RYR2: variants seen among roughly 807,000 people sequenced by gnomAD.
RYR2 encodes cardiac muscle ryanodine receptor-calcium release channel.
A neutral mutation model predicts 601.1 loss-of-function variants in RYR2; 227 were observed. The ratio of observed to expected loss-of-function variants is 0.38; its 90% CI spans 0.34 to 0.42. RYR2 has a LOEUF of 0.42. RYR2 is among the 10% of genes least tolerant of loss of function. RYR2 has a pLI of 1.00. For missense variants in RYR2, 4,646 were observed against 6,156.5 expected (o/e 0.75, Z 8.21); for synonymous variants, 2,223 against 2,175.1 (o/e 1.02, Z -0.61).
At chr1:237,463,282 C>T (rs1452669800) in intron 16 of RYR2, among the ~76,000 whole-genome samples, 2 of 152,136 alleles carry the variant, frequency 1.3e-5, no homozygotes, top group East Asian at 3.9e-4. Context: ...TCTGTACCTC[C>T]AGCACCTAGA....
In RYR2 at chr1:237,492,885, AAGGG is replaced by A. The variant is rs139196633; in HGVS notation, c.1828-51_1828-48del. 156 of 1,224,118 alleles carry A rather than the reference AAGGG, an allele frequency of 1.3e-4. 1 individual carries two copies. The highest frequency in any genetic ancestry group is 5.7e-4 in the South Asian group (39 of 67,986). 75.8% of individuals were successfully genotyped at this position (1,224,118 alleles called of 1,614,324 possible). On this transcript the variant is annotated intron_variant, in intron 18 of 104. Transcript: ENST00000366574. ...GAAGGAAGGAAGAAGGGAAGGAAGG[AAGGG>A]AGGGAGGGAGGGAGGGAAAGCAGGG...
At chr1:237,801,834 T>A in intron 97 of RYR2, 22 bp from the exon 98 acceptor site, 2 of 452,146 alleles carry the variant, frequency 4.4e-6, no homozygotes, top group Non-Finnish European at 6.1e-6. Context: ...TAACTACGCA[T>A]TTTTTTTTTT....
intron 17 of RYR2, among the ~76,000 whole-genome samples, chr1:237,476,531 A>T: frequency 8.7e-6 from 1 of 115,006 alleles, no homozygotes; most frequent in Non-Finnish European, 1.9e-5. Context: ...AAAAAAAAAA[A>T]AAAAAAAAAA....
chr1:237,328,258 C>A (rs754567952), intron 2 of RYR2, among the ~76,000 whole-genome samples: 23 of 152,048 alleles, frequency 1.5e-4, no homozygotes, highest in Non-Finnish European at 3.2e-4. Flanking sequence ...ATGAAATAAA[C>A]ACTTACATTA....
chr1:237,275,908 A>G (rs964586891), intron 2 of RYR2, among the ~76,000 whole-genome samples: 2 of 152,192 alleles, frequency 1.3e-5, no homozygotes, highest in Non-Finnish European at 2.9e-5. Flanking sequence ...AAAAATAAAA[A>G]CCACACAAAA....
In RYR2 at chr1:237,102,908, G is replaced by A. The variant is rs75465289; in HGVS notation, c.48+60339G>A. 4.2e-3 allele frequency among the ~76,000 whole-genome samples: 641 copies of A among 152,226 alleles called. 1 individual carries two copies. The highest frequency in any genetic ancestry group is 0.017 in the Middle Eastern group (5 of 294). Reference sequence around the variant, plus strand: ...ATTTTTGTTTTATTATAAAATACACGTATAAAACTTATCAAAACCATTTAA... The same window carrying A: ...ATTTTTGTTTTATTATAAAATACACATATAAAACTTATCAAAACCATTTAA... On this transcript the variant is annotated intron_variant, in intron 1 of 104. Transcript: ENST00000366574.
intron 1 of RYR2, among the ~76,000 whole-genome samples, chr1:237,252,887 G>T (rs1360092686): frequency 1.3e-5 from 2 of 152,062 alleles, no homozygotes; most frequent in Non-Finnish European, 2.9e-5. Flanking sequence ...AATAATGGTT[G>T]GGCACAGTGG....
intron 1 of RYR2, among the ~76,000 whole-genome samples, chr1:237,162,004 G>C (rs887596372): frequency 6.6e-6 from 1 of 152,144 alleles, no homozygotes; most frequent in Non-Finnish European, 1.5e-5. Flanking sequence ...GCATTGCCTA[G>C]TGTGGCAGCC....
intron 2 of RYR2, among the ~76,000 whole-genome samples, chr1:237,309,302 A>G (rs1019838950): frequency 2.6e-4 from 39 of 151,860 alleles, no homozygotes; most frequent in Non-Finnish European, 4.6e-4. Flanking sequence ...CCAAGTCCCC[A>G]CTAGATTAGC....
At chr1:237,237,972 CTTTCCTTT>C in intron 1 of RYR2, among the ~76,000 whole-genome samples, 1 of 115,056 alleles carries the variant, frequency 8.7e-6, no homozygotes, top group Non-Finnish European at 1.8e-5. Context: ...CTTTCCTTTC[CTTTCCTTT>C]CCTTTCCAAC....
At position 237,727,160 on chromosome 1, in the gene RYR2, T is replaced by C; in HGVS notation, c.10799T>C (p.Val3600Ala). The change falls in exon 76 of 105, where the codon GTA becomes GCA. Residue 3600 changes from valine to alanine, a missense_variant. Around this residue, in one of 17 missense-constraint regions of RYR2, gnomAD observed 1,497 missense variants for 1,842.6 expected, o/e 0.81. Coordinates refer to ENST00000366574, the MANE Select transcript of RYR2 (RefSeq NM_001035.3). Reference sequence around the variant, plus strand: ...TCCAAGCAGAGGAAAAGGGCTGTTGTAGCCTGCTTCCGGATGGCCCCCTTA... The same window carrying C: ...TCCAAGCAGAGGAAAAGGGCTGTTGCAGCCTGCTTCCGGATGGCCCCCTTA... ...LLSKQRKRAVVACFRMAPLYN... is the reference protein window; with the variant it reads ...LLSKQRKRAVAACFRMAPLYN... The C allele has an allele frequency of 6.3e-7, 1 of 1,590,870 alleles. No individual in the cohort carries two copies. Among genetic ancestry groups the C allele is most frequent in the Non-Finnish European group, 8.6e-7 (1 of 1,167,232 alleles).
chr1:237,681,879 C>T (rs1008486026), intron 62 of RYR2, among the ~76,000 whole-genome samples: 5 of 152,150 alleles, frequency 3.3e-5, no homozygotes, highest in African/African-American at 1.2e-4. Context: ...CCTTAAACGT[C>T]GTGAAATTGA....
At position 237,369,564 on chromosome 1, in the gene RYR2, C is replaced by A; in HGVS notation, c.340C>A (p.Leu114Ile). 1 of 1,565,298 alleles carries A rather than the reference C, an allele frequency of 6.4e-7. No homozygotes were observed. The highest frequency in any genetic ancestry group is 2.3e-5 in the East Asian group (1 of 42,678). Residue 114 changes from leucine to isoleucine, a missense_variant, in exon 6 of 105, where the codon CTC becomes ATC. Leu to Ile is a conservative substitution (Grantham distance 5). Transcript: ENST00000366574. ...TAQGGGHRTL[L>I]YGHAILLRHS... ...TCAAGGTGGTGGTCATCGAACACTC[C>A]TCTACGGACATGCCATATTGCTGCG...
Position 237,819,617 on chromosome 1 carries a change from C to G in RYR2, c.14590+425C>G, listed in dbSNP as rs1047698449. On this transcript the variant is annotated intron_variant, in intron 101 of 104. Coordinates refer to ENST00000366574, the MANE Select transcript of RYR2 (RefSeq NM_001035.3). This position sits in a 1 kb window ranked among gnomAD's most constrained non-coding sequence, Gnocchi z 4.0. ...GATGGATCACTTGAGGTCAGGAGCT[C>G]GAGACCAGCCTGACCAACATGGTAA... Among the ~76,000 whole-genome samples the G allele has an allele frequency of 6.6e-6, 1 of 151,808 alleles. No individual in the cohort carries two copies. Among genetic ancestry groups the G allele is most frequent in the Non-Finnish European group, 1.5e-5 (1 of 67,972 alleles).
chr1:237,204,618 G>A (rs558696427), intron 1 of RYR2, among the ~76,000 whole-genome samples: 1 of 152,220 alleles, frequency 6.6e-6, no homozygotes, highest in African/African-American at 2.4e-5. Flanking sequence ...CTGGGAAAAT[G>A]CTCCATTCCG....
rs1186753825 is a variant in RYR2, at chr1:237,329,641, C to CA, written c.169-1224dup. On this transcript the variant is annotated intron_variant, in intron 2 of 104. Transcript: ENST00000366574. ...TGGGAAACACAGTGAGACTCCGTCT[C>CA]AAAAAAAAAAAAAGAAATTAAAACA... 8.0e-3 allele frequency among the ~76,000 whole-genome samples: 904 copies of CA among 113,246 alleles called. 6 individuals are homozygous for CA. The highest frequency in any genetic ancestry group is 0.014 in the Middle Eastern group (3 of 210). 74.3% of individuals were successfully genotyped at this position (113,246 alleles called of 152,430 possible).
chr1:237,050,207 C>T (rs1661081994), intron 1 of RYR2, among the ~76,000 whole-genome samples: 1 of 152,176 alleles, frequency 6.6e-6, no homozygotes, highest in Admixed American at 6.5e-5. Context: ...ACTTACCACC[C>T]ACCAACCGAT....
At chr1:237,145,235 A>T (rs903129943) in intron 1 of RYR2, among the ~76,000 whole-genome samples, 1 of 152,006 alleles carries the variant, frequency 6.6e-6, no homozygotes, top group Non-Finnish European at 1.5e-5. Context: ...AAAAAAAAAG[A>T]AAAAAAGAAA....
chr1:237,459,122 T>C (rs1210509423), intron 16 of RYR2, among the ~76,000 whole-genome samples: 5 of 152,260 alleles, frequency 3.3e-5, no homozygotes, highest in African/African-American at 4.8e-5. Flanking sequence ...GCAGAAGTTA[T>C]AGCACTAAAT....
Sources: gnomAD v4.1 joint callset for allele counts (sites outside exome capture counted in the v4.1 genomes callset) on GRCh38, gnomAD v4.1.1 for gene constraint, gnomAD v4.1.1 regional missense constraint, Gnocchi (gnomAD v3.1) non-coding constraint, MANE v1.5 for transcripts, NCBI Gene and HGNC (gene_info 2026-07-23, HGNC 2026-07-21) for gene names.